The following TNKS variants were observed in gnomAD, a reference collection of about 807,000 sequenced individuals.
The protein encoded by TNKS is poly [ADP-ribose] polymerase tankyrase-1.
A neutral mutation model predicts 135.8 loss-of-function variants in TNKS; 72 were observed. The observed-to-expected ratio is 0.53, with a 90% CI of 0.44 to 0.64. The LOEUF (loss-of-function observed/expected upper bound fraction) is 0.64. Among genes scored for constraint, TNKS ranks in the 30% least tolerant of loss-of-function variants. The pLI is 0.00. For synonymous variants in TNKS, 849 were observed against 649.3 expected, an observed-to-expected ratio of 1.31 and a Z score of -4.68; for missense variants, 1,769 against 1,674.0, an observed-to-expected ratio of 1.06 and a Z score of -0.99.
intron 3 of TNKS, among the ~76,000 whole-genome samples, chr8:9,652,170 C>G (rs934371157): frequency 2.0e-5 from 3 of 152,164 alleles, no homozygotes; most frequent in South Asian, 4.1e-4. Flanking sequence ...ATATTAAGAA[C>G]TATCAGATAG....
rs985071445 is a variant in TNKS at position 9,695,861 on chromosome 8, T to G, written c.1108-8802T>G. On this transcript the variant is annotated intron_variant, in intron 5 of 26. Coordinates refer to ENST00000310430, the MANE Select transcript of TNKS (RefSeq NM_003747.3). ...GGGAATGAAGAAAGACTCCCAAAGT[T>G]TTTGGCCTGAGTAACTAAAAGGATG... is the stretch of plus-strand genomic sequence containing the variant. Among the ~76,000 whole-genome samples the G allele has an allele frequency of 2.6e-5, 4 of 152,120 alleles. No individual in the cohort carries two copies. In the South Asian group the frequency reaches 8.3e-4, roughly 32 times the overall value.
At chr8:9,633,500 A>G (rs1227280933) in intron 3 of TNKS, among the ~76,000 whole-genome samples, 1 of 152,210 alleles carries the variant, frequency 6.6e-6, no homozygotes, top group Non-Finnish European at 1.5e-5. Flanking sequence ...AGAAACAATA[A>G]GTGATAACCA....
rs1001801813 is a variant in TNKS at position 9,761,182 on chromosome 8, A to G, written c.3154-334A>G. ...TCTGGTGTTTTCCCATTTTCAAGCT[A>G]CTGATTCCTCCTCTATCTTGAGGCA... is the stretch of plus-strand genomic sequence containing the variant. On this transcript the variant is annotated intron_variant, in intron 20 of 26. Coordinates refer to ENST00000310430, the MANE Select transcript of TNKS (RefSeq NM_003747.3). Among the ~76,000 whole-genome samples, 7 of 152,280 alleles carry G rather than the reference A, an allele frequency of 4.6e-5. 1 individual carries two copies. The highest frequency in any genetic ancestry group is 4.1e-4 in the South Asian group (2 of 4,820).
intron 26 of TNKS, among the ~76,000 whole-genome samples, chr8:9,774,727 T>G (rs1585460045): frequency 6.6e-6 from 1 of 152,212 alleles, no homozygotes; most frequent in African/African-American, 2.4e-5. Flanking sequence ...AAGGAACTCA[T>G]GCCATTAGAA....
chr8:9,748,320 CAG>C (rs1806343737), intron 18 of TNKS, 108 bp downstream of exon 18: 18 of 1,012,470 alleles, frequency 1.8e-5, no homozygotes, highest in Non-Finnish European at 2.3e-5. Context: ...TCACTTAGAA[CAG>C]AGATCTTCTG....
chr8:9,649,705 T>C (rs945221360), intron 3 of TNKS, among the ~76,000 whole-genome samples: 3 of 151,900 alleles, frequency 2.0e-5, no homozygotes, highest in Non-Finnish European at 4.4e-5. Flanking sequence ...CTACTACTTA[T>C]TAGTGAGAAT....
intron 2 of TNKS, among the ~76,000 whole-genome samples, chr8:9,606,943 T>C (rs1469428310): frequency 6.6e-6 from 1 of 152,184 alleles, no homozygotes; most frequent in Non-Finnish European, 1.5e-5. Context: ...TTCTTTAAGA[T>C]TGTCTCTTCT....
At chr8:9,680,855 A>G in intron 5 of TNKS, 55 bp downstream of exon 5, 1 of 1,348,260 alleles carries the variant, frequency 7.4e-7, no homozygotes, top group Non-Finnish European at 1.1e-6. Context: ...AATTTTGTGA[A>G]TGTGGCATAT....
intron 1 of TNKS, among the ~76,000 whole-genome samples, chr8:9,563,681 T>C (rs1797420975): frequency 6.6e-6 from 1 of 152,226 alleles, no homozygotes; most frequent in African/African-American, 2.4e-5. Flanking sequence ...CTTTTATTTC[T>C]AACTCAGGCA....
chr8:9,686,867 CT>C, intron 5 of TNKS, among the ~76,000 whole-genome samples: 1 of 86,214 alleles, frequency 1.2e-5, no homozygotes, highest in Non-Finnish European at 2.8e-5. Context: ...TTTTTTTAGC[CT>C]AAAAAAAATG....
At chr8:9,711,315 G>C (rs1338295614) in intron 11 of TNKS, among the ~76,000 whole-genome samples, 3 of 152,184 alleles carry the variant, frequency 2.0e-5, no homozygotes, top group African/African-American at 7.2e-5. Context: ...GGTTTCCTGA[G>C]GTAAGAGTGG....
chr8:9,686,808 T>C (rs1181829667), intron 5 of TNKS, among the ~76,000 whole-genome samples: 3 of 152,208 alleles, frequency 2.0e-5, no homozygotes, highest in African/African-American at 7.2e-5. Context: ...TTTCAGCTGT[T>C]ATTAGCCATG....
chr8:9,714,865 A>G (rs1187263669), intron 11 of TNKS, among the ~76,000 whole-genome samples: 1 of 152,246 alleles, frequency 6.6e-6, no homozygotes, highest in East Asian at 1.9e-4. Context: ...TAATAAAACC[A>G]GCAGTTGGAA....
At chr8:9,575,473 C>T in intron 1 of TNKS, 2 of 959,988 alleles carry the variant, frequency 2.1e-6, no homozygotes, top group South Asian at 9.6e-5. Flanking sequence ...AACTGACCAA[C>T]CAAAAAGAAA....
At chr8:9,663,042 A>G (rs1171511591) in intron 3 of TNKS, among the ~76,000 whole-genome samples, 1 of 152,234 alleles carries the variant, frequency 6.6e-6, no homozygotes, top group Non-Finnish European at 1.5e-5. Flanking sequence ...GCTCAGAATC[A>G]GAGACGATCT....
chr8:9,571,039 G>A (rs1453235734), intron 1 of TNKS, among the ~76,000 whole-genome samples: 2 of 152,000 alleles, frequency 1.3e-5, no homozygotes, highest in East Asian at 3.9e-4. Context: ...AATTACATTC[G>A]GGGGCATTTT....
In TNKS at chr8:9,714,380, G is replaced by T. The variant is rs182490023; in HGVS notation, c.1749+4160G>T. On this transcript the variant is annotated intron_variant, in intron 11 of 26. Transcript: ENST00000310430. ...CATATGTATATAAATATGTAGTATA[G>T]TGCTTAACACACAGATAATGTTTTG... Among the ~76,000 whole-genome samples, 75 of 151,082 alleles carry T rather than the reference G, an allele frequency of 5.0e-4. No homozygotes were observed. The Middle Eastern group carries it at 0.017, about 34-fold the overall frequency.
intron 5 of TNKS, among the ~76,000 whole-genome samples, chr8:9,698,374 G>GAAAAAAAAAAAAAAAAAAAAAAAAAAAAA (rs34311181): frequency 5.1e-5 from 5 of 98,762 alleles, no homozygotes; most frequent in Admixed American, 4.3e-4. Context: ...ATTTTAAAAT[G>GAAAAAAAAAAAAAAAAAAAAAAAAAAAAA]AAAAAAAAAA....
chr8:9,588,565 C>T (rs1444157384), intron 2 of TNKS, among the ~76,000 whole-genome samples: 4 of 152,150 alleles, frequency 2.6e-5, no homozygotes, highest in Admixed American at 6.5e-5. Flanking sequence ...CGTGAGCTGC[C>T]GCGCCCGGCC....
Sources: gnomAD v4.1 joint callset for allele counts (sites outside exome capture counted in the v4.1 genomes callset) on GRCh38, gnomAD v4.1.1 for gene constraint, MANE v1.5 for transcripts, NCBI Gene and HGNC (gene_info 2026-07-23, HGNC 2026-07-21) for gene names.